The following LUZP2 variants were observed in gnomAD, a reference collection of about 807,000 sequenced individuals.
The protein encoded by LUZP2 is leucine zipper protein 2.
A neutral mutation model predicts 51.6 loss-of-function variants in LUZP2; 52 were observed. The observed-to-expected ratio is 1.01, with a 90% CI of 0.81 to 1.27. The LOEUF (loss-of-function observed/expected upper bound fraction) is 1.27, where lower values mean the gene tolerates loss of function less well. Among genes scored for constraint, LUZP2 ranks in the 50% most tolerant of loss-of-function variants. The pLI is 0.00. For missense variants in LUZP2, 436 were observed against 395.4 expected (o/e 1.10, Z -0.87); for synonymous variants, 154 against 137.3 (o/e 1.12, Z -0.85).
chr11:24,590,967 C>T (rs923049679), intron 1 of LUZP2, among the ~76,000 whole-genome samples: 9 of 151,996 alleles, frequency 5.9e-5, no homozygotes, highest in Admixed American at 4.6e-4. Context: ...AGATCCTGGC[C>T]GAGCAAGGTG....
At chr11:24,541,178 G>A (rs1159422297) in intron 1 of LUZP2, among the ~76,000 whole-genome samples, 2 of 151,010 alleles carry the variant, frequency 1.3e-5, no homozygotes, top group African/African-American at 4.9e-5. Context: ...GCTTGAACCC[G>A]GGAGACAGAA....
In LUZP2 at chr11:24,900,885, T is replaced by C. The variant is rs138797416; in HGVS notation, c.397-5106T>C. ...ATCATTCTTTGCTCAAACTGTTAAA[T>C]TTAATTTGTCTAAGATTTTCCCTTT... On this transcript the variant is annotated intron_variant, in intron 5 of 11. Transcript: ENST00000336930. 2.5e-3 allele frequency among the ~76,000 whole-genome samples: 377 copies of C among 152,332 alleles called. 3 individuals carry two copies. The highest frequency in any genetic ancestry group is 8.2e-3 in the African/African-American group (342 of 41,570).
At chr11:24,844,941 G>A (rs1017891689) in intron 5 of LUZP2, among the ~76,000 whole-genome samples, 12 of 152,182 alleles carry the variant, frequency 7.9e-5, no homozygotes, top group African/African-American at 2.2e-4. Flanking sequence ...CAGGGATGGG[G>A]CCCTCATGGA....
intron 1 of LUZP2, among the ~76,000 whole-genome samples, chr11:24,502,810 A>G (rs1850037910): frequency 6.6e-6 from 1 of 152,198 alleles, no homozygotes; most frequent in African/African-American, 2.4e-5. Context: ...TGTATACCTA[A>G]TTAAAATGTA....
intron 5 of LUZP2, among the ~76,000 whole-genome samples, chr11:24,825,968 G>A (rs1482155932): frequency 6.6e-6 from 1 of 151,374 alleles, no homozygotes; most frequent in Non-Finnish European, 1.5e-5. Context: ...GGTGGATCAC[G>A]AGGTCAGGAG....
intron 1 of LUZP2, among the ~76,000 whole-genome samples, chr11:24,689,561 C>T (rs1178776391): frequency 6.6e-6 from 1 of 152,100 alleles, no homozygotes; most frequent in Non-Finnish European, 1.5e-5. Context: ...TTTTAGAGAG[C>T]CAGTTTAACA....
intron 5 of LUZP2, among the ~76,000 whole-genome samples, chr11:24,788,180 A>ATTTTTTTTTTTTTTTT (rs61308017): frequency 6.0e-5 from 5 of 83,394 alleles, no homozygotes; most frequent in Admixed American, 3.7e-4. Flanking sequence ...TTTGTTTTTA[A>ATTTTTTTTTTTTTTTT]TTTTTTTTTT....
intron 5 of LUZP2, among the ~76,000 whole-genome samples, chr11:24,897,128 G>A (rs913843832): frequency 6.6e-6 from 1 of 152,138 alleles, no homozygotes; most frequent in Non-Finnish European, 1.5e-5. Context: ...CTAGAGGATT[G>A]TAAATACACC....
At chr11:24,997,088 T>A (rs1175686512) in intron 9 of LUZP2, among the ~76,000 whole-genome samples, 3 of 150,436 alleles carry the variant, frequency 2.0e-5, no homozygotes, top group African/African-American at 7.3e-5. Context: ...TACGTGTGCA[T>A]GTGTCTTTAT....
intron 1 of LUZP2, among the ~76,000 whole-genome samples, chr11:24,719,205 A>G (rs1307652254): frequency 6.6e-6 from 1 of 152,226 alleles, no homozygotes; most frequent in Non-Finnish European, 1.5e-5. Context: ...GAAAATGCAT[A>G]TAATGCTATT....
chr11:24,980,711 A>G (rs1025887308), intron 8 of LUZP2, among the ~76,000 whole-genome samples: 1 of 151,806 alleles, frequency 6.6e-6, no homozygotes, highest in Non-Finnish European at 1.5e-5. Context: ...GGAAAGAACC[A>G]TTCCTGGAAA....
intron 5 of LUZP2, among the ~76,000 whole-genome samples, chr11:24,773,247 A>G (rs777046911): frequency 3.3e-5 from 5 of 152,196 alleles, no homozygotes; most frequent in Non-Finnish European, 7.4e-5. Context: ...ATTGTGCTAG[A>G]TTCCAGAGGC....
intron 1 of LUZP2, among the ~76,000 whole-genome samples, chr11:24,675,608 G>C (rs1856517079): frequency 6.6e-6 from 1 of 151,842 alleles, no homozygotes; most frequent in African/African-American, 2.4e-5. Flanking sequence ...AATAAAGTAA[G>C]CTCTACATTT....
chr11:24,668,358 C>T (rs1297782413), intron 1 of LUZP2, among the ~76,000 whole-genome samples: 1 of 152,172 alleles, frequency 6.6e-6, no homozygotes, highest in African/African-American at 2.4e-5. Flanking sequence ...CAAAGAACGT[C>T]CTTGGAATTT....
At chr11:24,556,074 T>G (rs1590175894) in intron 1 of LUZP2, among the ~76,000 whole-genome samples, 1 of 152,348 alleles carries the variant, frequency 6.6e-6, no homozygotes, top group African/African-American at 2.4e-5. Context: ...TGTTTTTTAG[T>G]CTCTATATGA....
chr11:25,019,832 C>T (rs2133972558), intron 9 of LUZP2, among the ~76,000 whole-genome samples: 1 of 152,130 alleles, frequency 6.6e-6, no homozygotes, highest in African/African-American at 2.4e-5. Flanking sequence ...AGTAGGATCG[C>T]ATATTGTTTG....
chr11:24,752,760 A>G (rs1447878330), intron 4 of LUZP2, among the ~76,000 whole-genome samples: 1 of 152,132 alleles, frequency 6.6e-6, no homozygotes, highest in Non-Finnish European at 1.5e-5. Context: ...TAATTCCTAT[A>G]ATGGAAAGGA....
intron 7 of LUZP2, among the ~76,000 whole-genome samples, chr11:24,936,463 A>G (rs903567213): frequency 1.4e-4 from 22 of 152,184 alleles, no homozygotes; most frequent in African/African-American, 4.3e-4. Flanking sequence ...CTCTTACTCA[A>G]TAGAGGCTTA....
At chr11:24,982,583 C>T (rs1048423194) in intron 8 of LUZP2, among the ~76,000 whole-genome samples, 8 of 151,584 alleles carry the variant, frequency 5.3e-5, no homozygotes, top group Non-Finnish European at 7.4e-5. Flanking sequence ...AAGGAAACAA[C>T]GGATGCTGGG....
Sources: allele counts gnomAD v4.1 joint callset (sites outside exome capture counted in the v4.1 genomes callset), GRCh38; gene constraint gnomAD v4.1.1; transcripts MANE v1.5; gene names NCBI Gene and HGNC (gene_info 2026-07-23, HGNC 2026-07-21).